Variants in SHISA6 observed in about 807,000 individuals in gnomAD.
SHISA6 encodes the protein shisa family member 6.
SHISA6 carries 22 observed loss-of-function variants against 47.9 expected under a neutral mutation model. That is an observed-to-expected ratio of 0.46 (90% CI 0.33 to 0.66). The LOEUF (loss-of-function observed/expected upper bound fraction) is 0.66, where lower values mean the gene tolerates loss of function less well. Among genes scored for constraint, SHISA6 ranks in the 30% least tolerant of loss-of-function variants. The pLI is 0.02. For missense variants in SHISA6, 680 were observed against 764.6 expected, an observed-to-expected ratio of 0.89 and a Z score of 1.30; for synonymous variants, 388 against 337.8, an observed-to-expected ratio of 1.15 and a Z score of -1.63.
At chr17:11,372,734 G>A (rs1438486797) in intron 2 of SHISA6, among the ~76,000 whole-genome samples, 2 of 151,934 alleles carry the variant, frequency 1.3e-5, no homozygotes, top group Non-Finnish European at 2.9e-5. Context: ...TATAATATGT[G>A]TTTTATCTTT....
At chr17:11,300,839 G>C (rs1909900608) in intron 2 of SHISA6, among the ~76,000 whole-genome samples, 1 of 151,982 alleles carries the variant, frequency 6.6e-6, no homozygotes, top group Non-Finnish European at 1.5e-5. Context: ...GTAGGGAAGG[G>C]AGGTGGAGCA....
chr17:11,292,338 C>T (rs1050372091), intron 2 of SHISA6, among the ~76,000 whole-genome samples: 3 of 152,040 alleles, frequency 2.0e-5, no homozygotes, highest in Admixed American at 6.6e-5. Context: ...TCCCTATGTC[C>T]GTGTGTTCTC....
intron 2 of SHISA6, among the ~76,000 whole-genome samples, chr17:11,355,683 T>A (rs1912057624): frequency 6.6e-6 from 1 of 152,176 alleles, no homozygotes; most frequent in Non-Finnish European, 1.5e-5. Flanking sequence ...TACCTTCTAT[T>A]GGGAGAACTC....
intron 2 of SHISA6, among the ~76,000 whole-genome samples, chr17:11,316,229 G>A (rs538078827): frequency 1.3e-5 from 2 of 150,924 alleles, no homozygotes; most frequent in South Asian, 4.2e-4. Flanking sequence ...TTCTGATGTT[G>A]TGTGGGCTCA....
chr17:11,328,076 G>C (rs761475647), intron 2 of SHISA6, among the ~76,000 whole-genome samples: 2 of 152,118 alleles, frequency 1.3e-5, no homozygotes, highest in Non-Finnish European at 2.9e-5. Context: ...ATTACTAGTT[G>C]TGGAACCCAG....
Position 11,526,117 on chromosome 17 carries a change from C to CCG in SHISA6, c.896-25778_896-25777insGC, listed in dbSNP as rs565670711. ...CATGACCCTACCAAGGGGACCCCCC[C>CCG]CCGCTCTCTGCTGATTTGGTGTGGC... On this transcript the variant is annotated intron_variant, in intron 3 of 5. Transcript: ENST00000441885. Among the ~76,000 whole-genome samples, 147 of 152,094 alleles carry CCG rather than the reference C, an allele frequency of 9.7e-4. 1 individual carries two copies. In the East Asian group the frequency reaches 0.021, roughly 21 times the overall value.
chr17:11,435,699 T>C lies in SHISA6; in HGVS notation c.895+56190T>C, dbSNP rs554259582. Among the ~76,000 whole-genome samples, 5 of 152,214 alleles carry C rather than the reference T, an allele frequency of 3.3e-5. No individual in the cohort carries two copies. In the South Asian group the frequency reaches 1.0e-3, roughly 32 times the overall value. On this transcript the variant is annotated intron_variant, in intron 3 of 5. Transcript: ENST00000441885. ...TTCCTTCGGATGCCCCAAAGGCTCA[T>C]GGGGTTGCTGGTCATATTTCTGGGC...
intron 3 of SHISA6, among the ~76,000 whole-genome samples, chr17:11,470,804 G>A (rs1346796015): frequency 6.6e-6 from 1 of 152,128 alleles, no homozygotes; most frequent in East Asian, 1.9e-4. Flanking sequence ...TCTCCTGGCA[G>A]GAAATGAAGG....
chr17:11,329,055 C>G (rs758666212), intron 2 of SHISA6, among the ~76,000 whole-genome samples: 1 of 152,194 alleles, frequency 6.6e-6, no homozygotes, highest in African/African-American at 2.4e-5. Context: ...CATGCAGGCA[C>G]ATTGACTCAT....
intron 3 of SHISA6, among the ~76,000 whole-genome samples, chr17:11,527,988 G>T (rs1337660411): frequency 6.6e-6 from 1 of 152,086 alleles, no homozygotes; most frequent in African/African-American, 2.4e-5. Flanking sequence ...AGGTTTACTG[G>T]TAATTATGTA....
chr17:11,369,188 T>A (rs1363466847), intron 2 of SHISA6, among the ~76,000 whole-genome samples: 3 of 152,208 alleles, frequency 2.0e-5, no homozygotes, highest in African/African-American at 7.2e-5. Context: ...TATGGTGGAA[T>A]GAAAGGAACT....
At chr17:11,289,947 T>G (rs1249404578) in intron 2 of SHISA6, 1 of 151,860 alleles carries the variant, frequency 6.6e-6, no homozygotes, top group Non-Finnish European at 1.5e-5. Flanking sequence ...ATAAAAGAAC[T>G]TGCAGCTGTA....
At chr17:11,341,937 G>T (rs888029299) in intron 2 of SHISA6, among the ~76,000 whole-genome samples, 1 of 152,140 alleles carries the variant, frequency 6.6e-6, no homozygotes, top group African/African-American at 2.4e-5. Flanking sequence ...TGGGAGAAGA[G>T]GTGTCTGGGG....
intron 3 of SHISA6, among the ~76,000 whole-genome samples, chr17:11,537,873 G>A (rs1255784889): frequency 6.6e-6 from 1 of 152,234 alleles, no homozygotes; most frequent in East Asian, 1.9e-4. Flanking sequence ...AGCCTTACAT[G>A]CAGAAGTATT....
At chr17:11,364,231 G>C (rs73975313) in intron 2 of SHISA6, among the ~76,000 whole-genome samples, 3,358 of 152,158 alleles carry the variant, frequency 0.022, 106 homozygotes, top group African/African-American at 0.067. Context: ...AAAAAATAAA[G>C]AACGTTTCCA....
intron 2 of SHISA6, among the ~76,000 whole-genome samples, chr17:11,376,997 T>A (rs1243904696): frequency 6.6e-6 from 1 of 152,224 alleles, no homozygotes. Context: ...CTCAGTCTCA[T>A]GAGCAGCTTT....
rs1438215129 is a variant in SHISA6 at position 11,241,553 on chromosome 17, G to A, written c.131G>A (p.Gly44Asp). The A allele has an allele frequency of 1.8e-6, 2 of 1,084,602 alleles. No individual in the cohort carries two copies. The highest frequency in any genetic ancestry group is 2.2e-6 in the Non-Finnish European group (2 of 896,774). The allele number at this position is 1,084,602 out of a possible 1,614,324, so 67.2% of individuals were successfully genotyped here. ...TLSAGGAAVG[G>D]RRAGGALARG... is the part of the protein sequence containing the mutation. ...AGTGCAGGCGGCGCTGCCGTCGGGG[G>A]CCGGAGGGCCGGGGGCGCCCTGGCA... is the stretch of plus-strand genomic sequence containing the variant. The change falls in exon 1 of 6, where the codon GGC becomes GAC. Residue 44 changes from glycine to aspartate, a missense_variant. Physicochemically the swap from Gly to Asp is moderately conservative, Grantham distance 94. This residue lies in a region of SHISA6 where 121 missense variants were observed against 90.5 expected (regional missense o/e 1.34). Transcript: ENST00000441885. This position sits in a 1 kb window ranked among gnomAD's most constrained non-coding sequence, Gnocchi z 5.5.
At chr17:11,399,471 G>C (rs1913689289) in intron 3 of SHISA6, among the ~76,000 whole-genome samples, 1 of 152,096 alleles carries the variant, frequency 6.6e-6, no homozygotes. Flanking sequence ...ACCCAGGCTG[G>C]AGTGCAGTGG....
At chr17:11,469,066 C>T (rs956642323) in intron 3 of SHISA6, among the ~76,000 whole-genome samples, 41 of 149,918 alleles carry the variant, frequency 2.7e-4, no homozygotes, top group African/African-American at 8.6e-4. Context: ...TTTGGGCCTC[C>T]GTGACTTTCC....
Sources: gnomAD v4.1 joint callset for allele counts (sites outside exome capture counted in the v4.1 genomes callset) on GRCh38, gnomAD v4.1.1 for gene constraint, gnomAD v4.1.1 regional missense constraint, Gnocchi (gnomAD v3.1) non-coding constraint, MANE v1.5 for transcripts, NCBI Gene and HGNC (gene_info 2026-07-23, HGNC 2026-07-21) for gene names.